Variants in KYAT3 observed in about 807,000 individuals in gnomAD.
KYAT3 encodes the protein kynurenine aminotransferase 3, also known as kynurenine--oxoglutarate transaminase 3.
Under a neutral mutation model 59.0 loss-of-function variants are expected in KYAT3, and 50 were observed. That is an observed-to-expected ratio of 0.85 (90% confidence interval 0.68 to 1.07). The LOEUF (loss-of-function observed/expected upper bound fraction) is 1.07. Ranked by LOEUF, KYAT3 falls within the 50% of genes least tolerant of loss-of-function variation. The pLI, the probability that KYAT3 is intolerant of heterozygous loss-of-function variation, is 0.00. For missense variants in KYAT3, 497 were observed against 533.3 expected (o/e 0.93, Z 0.67); for synonymous variants, 148 against 177.0 (o/e 0.84, Z 1.30).
At chr1:88,985,227 T>C (rs1035491928) in intron 2 of KYAT3, among the ~76,000 whole-genome samples, 1 of 152,144 alleles carries the variant, frequency 6.6e-6, no homozygotes, top group African/African-American at 2.4e-5. Context: ...AGTGAGTAAG[T>C]GAAGGGAGTG....
chr1:88,924,611 C>T, the KYAT3 span, among the ~76,000 whole-genome samples: 1,747 of 152,290 alleles, frequency 0.011, 20 homozygotes, highest in African/African-American at 0.039. Flanking sequence ...TGTTCTGGTC[C>T]GTGTTTGTTA....
At chr1:88,951,013 T>C (rs1346236022) in intron 10 of KYAT3, among the ~76,000 whole-genome samples, 1 of 152,198 alleles carries the variant, frequency 6.6e-6, no homozygotes, top group Non-Finnish European at 1.5e-5. Context: ...TGTCTACCAC[T>C]GGGCCTTTCC....
chr1:88,970,428 G>T (rs1676511366), intron 2 of KYAT3, among the ~76,000 whole-genome samples: 1 of 152,154 alleles, frequency 6.6e-6, no homozygotes, highest in Non-Finnish European at 1.5e-5. Context: ...GTTTATGAAA[G>T]CTAGTAACAT....
At chr1:88,943,451 C>G (rs772435583) in intron 11 of KYAT3, 28 bp from the exon 12 acceptor site, 1 of 1,185,616 alleles carries the variant, frequency 8.4e-7, no homozygotes, top group East Asian at 2.4e-5. Context: ...ATTAGGTGGC[C>G]TATGAATTTC....
chr1:88,949,222 C>T lies in KYAT3; in HGVS notation c.1010G>A (p.Cys337Tyr), dbSNP rs751862219. 10 of 1,606,698 alleles carry T rather than the reference C, an allele frequency of 6.2e-6. No individual in the cohort carries two copies. The South Asian group carries it at 1.1e-4, about 18-fold the overall frequency. The stretch of plus-strand genomic sequence containing the variant: ...CTCTTTTGGCAAAGAATTAAAGTAA[C>T]ATTCTGGGTCATCCATGCGCTTGAT... ...IDIKRMDDPECYFNSLPKELE... is the reference protein window; with the variant it reads ...IDIKRMDDPEYYFNSLPKELE... Residue 337 changes from cysteine (C) to tyrosine (Y), a missense_variant, in exon 11 of 14, where the codon TGT becomes TAT. Physicochemically the swap from Cys to Tyr is radical, Grantham distance 194. Around this residue, in one of 2 missense-constraint regions of KYAT3, gnomAD observed 469 missense variants for 479.1 expected, o/e 0.98. Transcript: ENST00000260508.
At chr1:88,948,275 C>T (rs1047548459) in intron 11 of KYAT3, among the ~76,000 whole-genome samples, 4 of 152,216 alleles carry the variant, frequency 2.6e-5, no homozygotes, top group African/African-American at 9.6e-5. Context: ...AGTTCATTGG[C>T]ATATAACTTC....
chr1:88,967,038 C>G (rs1458448449), intron 4 of KYAT3, among the ~76,000 whole-genome samples: 1 of 151,898 alleles, frequency 6.6e-6, no homozygotes, highest in Non-Finnish European at 1.5e-5. Context: ...CTTACTTGGT[C>G]AGGATGTATT....
chr1:88,987,543 T>C (rs1416441198), intron 2 of KYAT3, among the ~76,000 whole-genome samples: 2 of 152,146 alleles, frequency 1.3e-5, no homozygotes, highest in Admixed American at 1.3e-4. Flanking sequence ...ATGCCAAAAA[T>C]GGAATTTTCA....
At chr1:88,955,021 C>T (rs1237166899) in intron 9 of KYAT3, 128 bp downstream of exon 9, 3 of 621,492 alleles carry the variant, frequency 4.8e-6, no homozygotes, top group Middle Eastern at 5.3e-4. Context: ...CTGCCTTAGC[C>T]TCCCAAAGTG....
intron 3 of KYAT3, among the ~76,000 whole-genome samples, 188 bp from the exon 4 acceptor site, chr1:88,969,002 T>G (rs1165407814): frequency 6.6e-6 from 1 of 152,216 alleles, no homozygotes; most frequent in Non-Finnish European, 1.5e-5. Context: ...GATGGCTGAA[T>G]TTATGAACCC....
downstream of KYAT3, among the ~76,000 whole-genome samples, chr1:88,935,585 G>A (rs79942925): frequency 6.3e-3 from 966 of 152,272 alleles, 11 homozygotes; most frequent in African/African-American, 0.02. Context: ...GGAAAGCCTG[G>A]CTAATCTATG....
At chr1:88,927,345 G>C in the KYAT3 span, among the ~76,000 whole-genome samples, 2 of 152,094 alleles carry the variant, frequency 1.3e-5, no homozygotes, top group African/African-American at 4.8e-5. Context: ...CCTCTTCAAG[G>C]GGGAGAAACC....
At chr1:88,958,649 A>G (rs1407467841) in intron 8 of KYAT3, among the ~76,000 whole-genome samples, 2 of 152,256 alleles carry the variant, frequency 1.3e-5, no homozygotes, top group African/African-American at 4.8e-5. Flanking sequence ...AGCATTTAGT[A>G]AATGCATATT....
At chr1:88,975,213 A>G (rs4656069) in intron 2 of KYAT3, among the ~76,000 whole-genome samples, 52,507 of 151,772 alleles carry the variant, frequency 0.35, 9,344 homozygotes, top group Admixed American at 0.43. Flanking sequence ...AACACTCACC[A>G]CAAGGGTCTG....
At chr1:88,969,976 A>G (rs1054825255) in intron 2 of KYAT3, among the ~76,000 whole-genome samples, 4 of 152,140 alleles carry the variant, frequency 2.6e-5, no homozygotes, top group African/African-American at 9.7e-5. Flanking sequence ...GCTTTTTCAA[A>G]TGAAATTTAG....
At chr1:88,952,376 A>G (rs550178981) in intron 10 of KYAT3, among the ~76,000 whole-genome samples, 1 of 152,194 alleles carries the variant, frequency 6.6e-6, no homozygotes, top group South Asian at 2.1e-4. Context: ...GTAATCCTCA[A>G]TGTTGGAGGT....
chr1:88,925,142 T>C, the KYAT3 span, among the ~76,000 whole-genome samples: 4 of 152,350 alleles, frequency 2.6e-5, no homozygotes, highest in Non-Finnish European at 5.9e-5. Flanking sequence ...GCACCTGTCG[T>C]CCGGTTCGTC....
At chr1:88,952,357 T>C (rs1675710359) in intron 10 of KYAT3, among the ~76,000 whole-genome samples, 1 of 152,196 alleles carries the variant, frequency 6.6e-6, no homozygotes, top group Non-Finnish European at 1.5e-5. Flanking sequence ...CCAAATCTAG[T>C]GTCCAGTTGT....
intron 5 of KYAT3, chr1:88,964,594 T>C (rs1676267519): frequency 2.3e-6 from 1 of 428,402 alleles, no homozygotes; most frequent in Non-Finnish European, 4.3e-6. Flanking sequence ...AACAAAGAAG[T>C]TTTCTGGGTA....
Sources: allele counts gnomAD v4.1 joint callset (sites outside exome capture counted in the v4.1 genomes callset), GRCh38; gene constraint gnomAD v4.1.1; regional missense constraint gnomAD v4.1.1; transcripts MANE v1.5; gene names NCBI Gene and HGNC (gene_info 2026-07-23, HGNC 2026-07-21).